Variants in SRPK2 observed in about 807,000 individuals in gnomAD.
SRPK2 encodes SRSF protein kinase 2.
Under a neutral mutation model 90.8 loss-of-function variants are expected in SRPK2, and 21 were observed. The observed-to-expected ratio is 0.23, with a 90% CI of 0.16 to 0.33. The LOEUF is 0.33. Among genes scored for constraint, SRPK2 ranks in the 10% least tolerant of loss-of-function variants. SRPK2 has a pLI of 1.00. For missense variants in SRPK2, 620 were observed against 869.0 expected, an observed-to-expected ratio of 0.71 and a Z score of 3.60; for synonymous variants, 288 against 311.1, an observed-to-expected ratio of 0.93 and a Z score of 0.78.
At chr7:105,350,583 G>T (rs1253074305) in intron 2 of SRPK2, among the ~76,000 whole-genome samples, 1 of 148,016 alleles carries the variant, frequency 6.8e-6, no homozygotes, top group Admixed American at 6.8e-5. Context: ...GAGTGCAGTG[G>T]CTCAATCTGA....
chr7:105,395,069 A>G lies in SRPK2; in HGVS notation n.153+4087T>C, dbSNP rs1822285344. Among the ~76,000 whole-genome samples, 3 of 152,196 alleles carry G rather than the reference A, an allele frequency of 2.0e-5. No homozygotes were observed. In the South Asian group the frequency reaches 6.2e-4, roughly 31 times the overall value. On this transcript the variant is annotated intron_variant and non_coding_transcript_variant, in intron 1 of 3. Coordinates refer to the SRPK2 transcript ENST00000462282. Reference sequence around the variant, plus strand: ...ATGCCTATAATCCCAGCTACTCAGGAGGCTGAGGGAGGAGAATCACTTGAA... The same window carrying G: ...ATGCCTATAATCCCAGCTACTCAGGGGGCTGAGGGAGGAGAATCACTTGAA...
chr7:105,244,862 C>T, intron 2 of SRPK2: 1 of 1,222,390 alleles, frequency 8.2e-7, no homozygotes, highest in Non-Finnish European at 1.2e-6. Flanking sequence ...AACGGGTCCT[C>T]AAGTTCATCA....
intron 2 of SRPK2, among the ~76,000 whole-genome samples, chr7:105,280,723 G>A (rs1308177511): frequency 1.3e-5 from 2 of 150,766 alleles, no homozygotes; most frequent in African/African-American, 4.9e-5. Flanking sequence ...CGAGGCGGGT[G>A]GATCACGAGG....
intron 2 of SRPK2, among the ~76,000 whole-genome samples, chr7:105,343,867 A>G (rs1310587388): frequency 6.6e-6 from 1 of 152,026 alleles, no homozygotes; most frequent in African/African-American, 2.4e-5. Context: ...GGTTCAAGCG[A>G]TTCTCCTGCC....
intron 3 of SRPK2, among the ~76,000 whole-genome samples, 198 bp downstream of exon 3, chr7:105,203,430 C>T (rs1179420578): frequency 6.6e-6 from 1 of 152,182 alleles, no homozygotes; most frequent in Non-Finnish European, 1.5e-5. Context: ...AATTCTCTCT[C>T]ATATCACTTA....
chr7:105,222,071 T>A (rs1326325031), intron 2 of SRPK2, among the ~76,000 whole-genome samples: 8 of 152,222 alleles, frequency 5.3e-5, no homozygotes, highest in African/African-American at 1.9e-4. Context: ...CATTCCTTTG[T>A]TTCCAGTCTT....
chr7:105,331,945 G>C (rs1289616641), intron 2 of SRPK2, among the ~76,000 whole-genome samples: 1 of 152,056 alleles, frequency 6.6e-6, no homozygotes, highest in Admixed American at 6.6e-5. Context: ...AATCACATGA[G>C]ACCAGGAGTT....
intron 5 of SRPK2, among the ~76,000 whole-genome samples, chr7:105,167,720 C>A (rs1790265283): frequency 6.6e-6 from 1 of 152,060 alleles, no homozygotes; most frequent in Non-Finnish European, 1.5e-5. Flanking sequence ...AAGTGATACT[C>A]ATGCCTCAGC....
chr7:105,295,394 C>T (rs904590926), intron 2 of SRPK2, among the ~76,000 whole-genome samples: 1 of 151,886 alleles, frequency 6.6e-6, no homozygotes, highest in Non-Finnish European at 1.5e-5. Flanking sequence ...ATGAATAAGA[C>T]TATCTTGGAT....
intron 3 of SRPK2, among the ~76,000 whole-genome samples, chr7:105,196,603 C>T (rs572029216): frequency 6.6e-6 from 1 of 152,348 alleles, no homozygotes; most frequent in South Asian, 2.1e-4. Context: ...CAAATGGACT[C>T]CCAGGGGTCA....
At chr7:105,278,763 C>T (rs746090517) in intron 2 of SRPK2, among the ~76,000 whole-genome samples, 10 of 140,544 alleles carry the variant, frequency 7.1e-5, no homozygotes, top group Non-Finnish European at 1.5e-4. Context: ...AGGCAGAAGG[C>T]GGAAGGGGAA....
In SRPK2 at chr7:105,117,528, G is replaced by C. The variant is rs1291860339; in HGVS notation, c.*310C>G. 1 of 294,738 alleles carries C rather than the reference G, an allele frequency of 3.4e-6. No individual in the cohort carries two copies. The highest frequency in any genetic ancestry group is 6.3e-6 in the Non-Finnish European group (1 of 159,486). The allele number at this position is 294,738 out of a possible 1,614,324, so 18.3% of individuals were successfully genotyped here. On this transcript the variant is annotated 3_prime_UTR_variant, in exon 16 of 16. Transcript: ENST00000393651. The stretch of plus-strand genomic sequence containing the variant: ...TTACAAAACCTGCCAAAACACAAAG[G>C]GGAAAGTATTTTTCATTCAAAAAAA...
rs1819055406 is a variant in SRPK2, at chr7:105,366,366, C to T, written c.71+22282G>A. On this transcript the variant is annotated intron_variant, in intron 2 of 15. Transcript: ENST00000393651. ...AATTGTATTAGCATCTACAGGTATG[C>T]CTTTTTTTTTTTTTTCTTTTTGAGA... is the stretch of plus-strand genomic sequence containing the variant. Among the ~76,000 whole-genome samples, 4 of 29,784 alleles carry T rather than the reference C, an allele frequency of 1.3e-4. 1 individual carries two copies. In the South Asian group the frequency reaches 8.5e-3, roughly 63 times the overall value. 19.5% of individuals were successfully genotyped at this position (29,784 alleles called of 152,430 possible). A position where few individuals can be genotyped will look rare whatever the true frequency, so the allele number is the denominator to read the frequency against.
At chr7:105,296,085 T>C (rs1563206378) in intron 2 of SRPK2, among the ~76,000 whole-genome samples, 1 of 119,282 alleles carries the variant, frequency 8.4e-6, no homozygotes, top group Non-Finnish European at 2.1e-5. Context: ...TTTCTCCTAC[T>C]AAAGAATGGC....
At chr7:105,328,750 A>G (rs1813905795) in intron 2 of SRPK2, among the ~76,000 whole-genome samples, 1 of 151,470 alleles carries the variant, frequency 6.6e-6, no homozygotes, top group Non-Finnish European at 1.5e-5. Flanking sequence ...CTGTAGTCCC[A>G]GCTACTCAGG....
At position 105,131,740 on chromosome 7, in the gene SRPK2, ATATT is replaced by A. The variant is rs572828676; in HGVS notation, c.1752+1047_1752+1050del. Reference sequence around the variant, plus strand: ...AACCTCTGAATAACAGAAAATTAATATATTTATTCTGCATTCCTTTTTTCAGTGA... The same window carrying A: ...AACCTCTGAATAACAGAAAATTAATATATTCTGCATTCCTTTTTTCAGTGA... On this transcript the variant is annotated intron_variant, in intron 13 of 15. Coordinates refer to ENST00000393651, the MANE Select transcript of SRPK2 (RefSeq NM_182692.3). 5.1e-4 allele frequency among the ~76,000 whole-genome samples: 77 copies of A among 152,352 alleles called. 1 individual carries two copies. The highest frequency in any genetic ancestry group is 3.5e-3 in the Admixed American group (53 of 15,308).
chr7:105,206,495 G>C (rs961853496), intron 2 of SRPK2: 3 of 155,042 alleles, frequency 1.9e-5, no homozygotes, highest in South Asian at 2.0e-4. Flanking sequence ...GGGCCACACT[G>C]AACAGGCAGA....
At chr7:105,386,636 G>A (rs907083344) in intron 2 of SRPK2, among the ~76,000 whole-genome samples, 1 of 152,188 alleles carries the variant, frequency 6.6e-6, no homozygotes, top group Non-Finnish European at 1.5e-5. Context: ...AGAATCCCTT[G>A]AACCTGGGAG....
chr7:105,190,632 C>A (rs1794164123), intron 3 of SRPK2, among the ~76,000 whole-genome samples: 1 of 152,140 alleles, frequency 6.6e-6, no homozygotes, highest in Non-Finnish European at 1.5e-5. Context: ...GTCCCAAAGA[C>A]CATCCTCACG....
Sources: allele counts gnomAD v4.1 joint callset (sites outside exome capture counted in the v4.1 genomes callset), GRCh38; gene constraint gnomAD v4.1.1; transcripts MANE v1.5; gene names NCBI Gene and HGNC (gene_info 2026-07-23, HGNC 2026-07-21).